Variants in GPC5 observed in about 807,000 individuals in gnomAD.
GPC5 encodes glypican 5.
In GPC5, 47 loss-of-function variants were observed where a neutral mutation model predicts 53.9. The ratio of observed to expected loss-of-function variants is 0.87; its 90% CI spans 0.69 to 1.11. The LOEUF (loss-of-function observed/expected upper bound fraction) is 1.11. Among genes scored for constraint, GPC5 ranks in the 50% most tolerant of loss-of-function variants. The pLI is 0.00. For synonymous variants in GPC5, 286 were observed against 263.3 expected (o/e 1.09, Z -0.84); for missense variants, 748 against 713.1 (o/e 1.05, Z -0.56).
intron 7 of GPC5, among the ~76,000 whole-genome samples, chr13:92,636,494 C>T (rs1885408685): frequency 6.6e-6 from 1 of 152,120 alleles, no homozygotes; most frequent in Non-Finnish European, 1.5e-5. Context: ...TAGCAGTTCC[C>T]TCCTTGCTTC....
intron 5 of GPC5, among the ~76,000 whole-genome samples, chr13:91,778,498 A>G (rs2037747214): frequency 6.6e-6 from 1 of 152,006 alleles, no homozygotes; most frequent in Admixed American, 6.6e-5. Flanking sequence ...GCTCCTCGCC[A>G]CCCATTTAGT....
intron 7 of GPC5, chr13:92,706,105 G>A (rs1887942263): frequency 6.6e-6 from 1 of 151,854 alleles, no homozygotes; most frequent in African/African-American, 2.4e-5. Context: ...CAGCCTAGAA[G>A]TAGTCCATCA....
intron 6 of GPC5, among the ~76,000 whole-genome samples, chr13:92,120,571 A>G (rs2041640879): frequency 6.6e-6 from 1 of 152,182 alleles, no homozygotes; most frequent in South Asian, 2.1e-4. Context: ...TTTTGAAAAA[A>G]GAAACACATT....
At chr13:92,010,997 G>A (rs567194381) in intron 6 of GPC5, among the ~76,000 whole-genome samples, 33 of 152,278 alleles carry the variant, frequency 2.2e-4, no homozygotes, top group African/African-American at 7.7e-4. Context: ...GAGGTACAGA[G>A]CTCTTTATTA....
At chr13:91,826,186 A>ATC (rs2038573160) in intron 5 of GPC5, among the ~76,000 whole-genome samples, 1 of 93,210 alleles carries the variant, frequency 1.1e-5, no homozygotes, top group African/African-American at 4.2e-5. Context: ...TATTAAATAA[A>ATC]TGATGAGATG....
At chr13:92,633,577 A>AT (rs1885325123) in intron 7 of GPC5, among the ~76,000 whole-genome samples, 1 of 152,056 alleles carries the variant, frequency 6.6e-6, no homozygotes, top group South Asian at 2.1e-4. Context: ...ACTTTTATTT[A>AT]TATCTTTCTG....
At chr13:92,729,272 A>G (rs1056117110) in intron 7 of GPC5, among the ~76,000 whole-genome samples, 2 of 151,312 alleles carry the variant, frequency 1.3e-5, no homozygotes, top group Non-Finnish European at 3.0e-5. Context: ...ACAAATTATC[A>G]TCTTTCCTTT....
intron 7 of GPC5, among the ~76,000 whole-genome samples, chr13:92,854,395 GATTT>G (rs1878926634): frequency 6.7e-6 from 1 of 149,174 alleles, no homozygotes; most frequent in African/African-American, 2.4e-5. Context: ...TATATTTATT[GATTT>G]ATTACATAAA....
rs185838814 is a variant in GPC5 at position 91,720,060 on chromosome 13, C to T, written c.1021-8472C>T. On this transcript the variant is annotated intron_variant, in intron 3 of 7. Transcript: ENST00000377067. ...GTATTTTGGATCAAATTATATGAAA[C>T]GAGGTCTCTACATTAAAAATATAAT... Among the ~76,000 whole-genome samples the T allele has an allele frequency of 1.3e-3, 202 of 152,256 alleles. 1 individual carries two copies. The highest frequency in any genetic ancestry group is 2.1e-3 in the Admixed American group (32 of 15,296).
intron 7 of GPC5, among the ~76,000 whole-genome samples, chr13:92,223,999 C>G (rs1228716041): frequency 6.6e-6 from 1 of 151,944 alleles, no homozygotes; most frequent in Non-Finnish European, 1.5e-5. Context: ...AAATAAGCAT[C>G]TAGTATACAC....
chr13:91,897,404 T>G (rs2039454515), intron 5 of GPC5, among the ~76,000 whole-genome samples: 1 of 151,414 alleles, frequency 6.6e-6, no homozygotes, highest in Non-Finnish European at 1.5e-5. Context: ...TTTTTAAAAT[T>G]TATTTAGTCC....
chr13:92,193,279 ATTTTC>A (rs1216446566), intron 7 of GPC5, among the ~76,000 whole-genome samples: 1 of 152,352 alleles, frequency 6.6e-6, no homozygotes, highest in Non-Finnish European at 1.5e-5. Context: ...GAAATAAAAT[ATTTTC>A]TTTTTCCAAT....
chr13:92,697,475 T>G (rs1376249405), intron 7 of GPC5, among the ~76,000 whole-genome samples: 1 of 152,202 alleles, frequency 6.6e-6, no homozygotes, highest in African/African-American at 2.4e-5. Flanking sequence ...TAATGGGATT[T>G]CACTCATGAC....
At chr13:92,009,639 T>C (rs188148931) in intron 6 of GPC5, among the ~76,000 whole-genome samples, 3 of 152,308 alleles carry the variant, frequency 2.0e-5, no homozygotes, top group Admixed American at 1.3e-4. Flanking sequence ...TTTCTCCTTG[T>C]AGCTTTCCAC....
chr13:92,174,628 C>A (rs1566470149), intron 7 of GPC5, among the ~76,000 whole-genome samples: 1 of 151,990 alleles, frequency 6.6e-6, no homozygotes, highest in Admixed American at 6.6e-5. Context: ...CACCTATACA[C>A]TTCTTTACTT....
At chr13:91,617,241 G>A (rs2033721060) in intron 2 of GPC5, among the ~76,000 whole-genome samples, 2 of 152,256 alleles carry the variant, frequency 1.3e-5, no homozygotes, top group South Asian at 4.1e-4. Flanking sequence ...GCTCAATGTG[G>A]CTATGTATGA....
At chr13:91,904,730 T>C (rs2039535385) in intron 5 of GPC5, among the ~76,000 whole-genome samples, 1 of 151,404 alleles carries the variant, frequency 6.6e-6, no homozygotes, top group Admixed American at 6.6e-5. Flanking sequence ...TGAGAGAAAA[T>C]GGAGAGGAAG....
chr13:92,570,312 A>G (rs145482868), intron 7 of GPC5, among the ~76,000 whole-genome samples: 1 of 152,268 alleles, frequency 6.6e-6, no homozygotes, highest in Non-Finnish European at 1.5e-5. Context: ...GAAAAAATTC[A>G]TCACAGATCA....
intron 7 of GPC5, among the ~76,000 whole-genome samples, chr13:92,435,688 T>C (rs1471925874): frequency 3.3e-5 from 5 of 152,084 alleles, no homozygotes; most frequent in Admixed American, 3.3e-4. Flanking sequence ...TACAAAGGAA[T>C]GAAAAAGAAC....
Sources: allele counts gnomAD v4.1 joint callset (sites outside exome capture counted in the v4.1 genomes callset), GRCh38; gene constraint gnomAD v4.1.1; transcripts MANE v1.5; gene names NCBI Gene and HGNC (gene_info 2026-07-23, HGNC 2026-07-21).